Variants in DOK6 observed in about 807,000 individuals in gnomAD.
DOK6 encodes downstream of tyrosine kinase 6.
Under a neutral mutation model 44.0 loss-of-function variants are expected in DOK6, and 22 were observed. That is an observed-to-expected ratio of 0.50 (90% confidence interval 0.36 to 0.71). The LOEUF (loss-of-function observed/expected upper bound fraction) is 0.71, where lower values mean the gene tolerates loss of function less well. DOK6 is among the 30% of genes least tolerant of loss of function. The probability of loss-of-function intolerance (pLI) is 0.00; values close to 1 mark genes in which losing one functional copy is unlikely to be tolerated. For synonymous variants in DOK6, 166 were observed against 145.5 expected (o/e 1.14, Z -1.01); for missense variants, 340 against 416.4 (o/e 0.82, Z 1.60).
chr18:69,733,091 G>C (rs1978469472), intron 5 of DOK6, among the ~76,000 whole-genome samples: 1 of 152,130 alleles, frequency 6.6e-6, no homozygotes, highest in African/African-American at 2.4e-5. Context: ...CTACTCAGGA[G>C]GCTGAGGTGG....
chr18:69,569,058 C>T (rs957955097), intron 2 of DOK6, among the ~76,000 whole-genome samples: 3 of 151,996 alleles, frequency 2.0e-5, no homozygotes, highest in African/African-American at 7.2e-5. Context: ...CCCCACAAAC[C>T]CCCTGGTCCA....
intron 3 of DOK6, among the ~76,000 whole-genome samples, chr18:69,666,372 G>A (rs1157512217): frequency 1.3e-5 from 2 of 152,040 alleles, no homozygotes; most frequent in Admixed American, 1.3e-4. Context: ...CTTGCTGACT[G>A]AGCACCAAGA....
chr18:69,649,025 T>G (rs1045327815), intron 3 of DOK6, among the ~76,000 whole-genome samples: 1 of 152,206 alleles, frequency 6.6e-6, no homozygotes, highest in African/African-American at 2.4e-5. Context: ...TGGCATATTC[T>G]TGCATCCTGA....
intron 3 of DOK6, chr18:69,661,348 A>C (rs868132692): frequency 6.6e-6 from 1 of 152,244 alleles, no homozygotes; most frequent in South Asian, 2.1e-4. Context: ...TCATGACCTA[A>C]TGACATCAAC....
chr18:69,840,507 G>A (rs1057475305), intron 7 of DOK6, among the ~76,000 whole-genome samples: 5 of 152,156 alleles, frequency 3.3e-5, no homozygotes, highest in African/African-American at 1.2e-4. Flanking sequence ...AAAAGTTTTC[G>A]GTAATCACTT....
intron 7 of DOK6, among the ~76,000 whole-genome samples, chr18:69,808,052 A>T (rs1348058109): frequency 7.9e-5 from 12 of 151,862 alleles, no homozygotes; most frequent in Admixed American, 5.9e-4. Context: ...GCCACAATAC[A>T]AGTCTGAACA....
At chr18:69,770,349 A>G (rs889469228) in intron 7 of DOK6, among the ~76,000 whole-genome samples, 9 of 152,136 alleles carry the variant, frequency 5.9e-5, no homozygotes, top group African/African-American at 2.2e-4. Context: ...TAGGAAAGTT[A>G]CATAACTACC....
chr18:69,666,823 C>T (rs1985670999), intron 3 of DOK6, among the ~76,000 whole-genome samples: 1 of 152,202 alleles, frequency 6.6e-6, no homozygotes, highest in African/African-American at 2.4e-5. Context: ...TGCCTGCAGG[C>T]TGCCATCAGC....
intron 5 of DOK6, among the ~76,000 whole-genome samples, chr18:69,703,354 G>A (rs941143233): frequency 6.6e-5 from 10 of 151,980 alleles, no homozygotes; most frequent in African/African-American, 2.2e-4. Flanking sequence ...TTCATTTATC[G>A]AACACTATGG....
chr18:69,688,800 C>T (rs4131991), intron 4 of DOK6, among the ~76,000 whole-genome samples: 48,967 of 152,026 alleles, frequency 0.32, 8,132 homozygotes, highest in Middle Eastern at 0.42. Context: ...GACAATACTC[C>T]TTTTCATAAG....
At chr18:69,700,216 C>CATATATATATATATATATATAGATATAT (rs61078235) in intron 5 of DOK6, among the ~76,000 whole-genome samples, 1 of 124,762 alleles carries the variant, frequency 8.0e-6, no homozygotes, top group Non-Finnish European at 1.7e-5. Flanking sequence ...CATATATATA[C>CATATATATATATATATATATAGATATAT]ATATATATAT....
At chr18:69,612,411 G>T in intron 3 of DOK6, among the ~76,000 whole-genome samples, 1 of 146,796 alleles carries the variant, frequency 6.8e-6, no homozygotes, top group Non-Finnish European at 1.5e-5. Flanking sequence ...GTGTGCGAGG[G>T]CGCATGTGTG....
At chr18:69,487,213 GTGTGTGTGTC>G (rs1455569177) in intron 1 of DOK6, among the ~76,000 whole-genome samples, 5 of 145,032 alleles carry the variant, frequency 3.4e-5, no homozygotes, top group East Asian at 2.1e-4. Flanking sequence ...GTGTGTGTGT[GTGTGTGTGTC>G]TGTCTGTGTG....
chr18:69,756,895 TTGTC>T lies in DOK6; in HGVS notation c.739-856_739-853del, dbSNP rs1568117234. 3.3e-5 allele frequency among the ~76,000 whole-genome samples: 5 copies of T among 152,356 alleles called. No individual in the cohort carries two copies. The East Asian group carries it at 7.7e-4, about 24-fold the overall frequency. On this transcript the variant is annotated intron_variant, in intron 6 of 7. Transcript: ENST00000382713. ...ATTTTATTCATTAGAGGATTGCTCATTGTCTGTCAAAAAGTAAACATTTCCTCAG... is the reference window on the plus strand; with the variant it reads ...ATTTTATTCATTAGAGGATTGCTCATTGTCAAAAAGTAAACATTTCCTCAG...
At chr18:69,761,447 A>G (rs1288843652) in intron 7 of DOK6, among the ~76,000 whole-genome samples, 1 of 152,172 alleles carries the variant, frequency 6.6e-6, no homozygotes, top group African/African-American at 2.4e-5. Flanking sequence ...CTCTGCTCAT[A>G]CATGACTAGC....
intron 1 of DOK6, among the ~76,000 whole-genome samples, chr18:69,423,612 C>A (rs1486404175): frequency 6.6e-6 from 1 of 152,172 alleles, no homozygotes; most frequent in Non-Finnish European, 1.5e-5. Context: ...AGTAGAAATA[C>A]TGGTTTTTAA....
intron 5 of DOK6, among the ~76,000 whole-genome samples, chr18:69,706,723 C>A (rs888956174): frequency 6.9e-5 from 9 of 129,786 alleles, no homozygotes; most frequent in Admixed American, 5.3e-4. Context: ...GTGATGTTCC[C>A]CTTCCTGTGT....
At position 69,845,081 on chromosome 18, in the gene DOK6, T is replaced by C. The variant is rs1454234024; in HGVS notation, c.*3698T>C. On this transcript the variant is annotated 3_prime_UTR_variant, in exon 8 of 8. Coordinates refer to ENST00000382713, the MANE Select transcript of DOK6 (RefSeq NM_152721.6). ...TGTGCCCCTCCTTGTTTGGCCAGTA[T>C]CACAGAAAACTTTGTAAAAAAGCAT... 1 of 152,212 alleles carries C rather than the reference T, an allele frequency of 6.6e-6. No homozygotes were observed. The highest frequency in any genetic ancestry group is 1.5e-5 in the Non-Finnish European group (1 of 68,032). 9.4% of individuals were successfully genotyped at this position (152,212 alleles called of 1,614,324 possible). A position where few individuals can be genotyped will look rare whatever the true frequency, so the allele number is the denominator to read the frequency against.
At chr18:69,712,780 G>A (rs1177868595) in intron 5 of DOK6, among the ~76,000 whole-genome samples, 1 of 152,192 alleles carries the variant, frequency 6.6e-6, no homozygotes, top group Non-Finnish European at 1.5e-5. Context: ...CCGGGAGGCT[G>A]AGGTTGCAGT....
Sources: gnomAD v4.1 joint callset for allele counts (sites outside exome capture counted in the v4.1 genomes callset) on GRCh38, gnomAD v4.1.1 for gene constraint, MANE v1.5 for transcripts, NCBI Gene and HGNC (gene_info 2026-07-23, HGNC 2026-07-21) for gene names.